The following SOX5 variants were observed in gnomAD, a reference collection of about 807,000 sequenced individuals.
The protein encoded by SOX5 is SRY-box transcription factor 5, also known as transcription factor SOX-5.
Under a neutral mutation model 92.0 loss-of-function variants are expected in SOX5, and 9 were observed. That is an observed-to-expected ratio of 0.10 (90% confidence interval 0.06 to 0.17). The LOEUF is 0.17. SOX5 is among the 10% of genes least tolerant of loss of function. SOX5 has a pLI of 1.00. For synonymous variants in SOX5, 344 were observed against 336.3 expected (o/e 1.02, Z -0.25); for missense variants, 642 against 944.5 (o/e 0.68, Z 4.20).
At chr12:24,248,023 T>C (rs10505938) in intron 3 of SOX5, among the ~76,000 whole-genome samples, 25,978 of 152,190 alleles carry the variant, frequency 0.17, 2,405 homozygotes, top group Middle Eastern at 0.2. Flanking sequence ...CTTCTTATAC[T>C]GTCTCAAAGT....
intron 4 of SOX5, among the ~76,000 whole-genome samples, chr12:24,203,565 A>C (rs1283075227): frequency 6.6e-6 from 1 of 152,222 alleles, no homozygotes; most frequent in Non-Finnish European, 1.5e-5. Flanking sequence ...TCTAAGATAA[A>C]AATCTAATAA....
chr12:24,101,297 G>A lies in SOX5; in HGVS notation c.-2+112046C>T, dbSNP rs12302052. On this transcript the variant is annotated intron_variant, in intron 4 of 4. Transcript: ENST00000446891. ...TTGAACATGGCAACACTATGATCAC[G>A]TCCAAGACATCTCCCTTGTTTTTCC... Among the ~76,000 whole-genome samples the A allele has an allele frequency of 5.3e-5, 8 of 152,088 alleles. 1 individual carries two copies. Among genetic ancestry groups the A allele is most frequent in the African/African-American group, 1.2e-4 (5 of 41,464 alleles).
chr12:23,643,677 G>C (rs1197967234), intron 7 of SOX5, among the ~76,000 whole-genome samples: 1 of 152,200 alleles, frequency 6.6e-6, no homozygotes, highest in Non-Finnish European at 1.5e-5. Flanking sequence ...CAGAAGCCAA[G>C]TAAAGAAAGA....
At chr12:23,851,684 A>T (rs80070966) in intron 2 of SOX5, among the ~76,000 whole-genome samples, 1 of 151,720 alleles carries the variant, frequency 6.6e-6, no homozygotes, top group African/African-American at 2.4e-5. Context: ...ATGAAAAATA[A>T]GAGAGGTACT....
At chr12:23,714,074 A>AAAAAAAAAAAC in intron 6 of SOX5, among the ~76,000 whole-genome samples, 1 of 151,002 alleles carries the variant, frequency 6.6e-6, no homozygotes, top group African/African-American at 2.4e-5. Context: ...CTAGGTGACA[A>AAAAAAAAAAAC]AGCAAGACTC....
At chr12:24,259,188 G>C (rs1288546259) in intron 3 of SOX5, among the ~76,000 whole-genome samples, 1 of 152,176 alleles carries the variant, frequency 6.6e-6, no homozygotes, top group Non-Finnish European at 1.5e-5. Context: ...GTGGAACAGT[G>C]TTGGGGAGCA....
chr12:24,270,197 A>G (rs1369847131), intron 3 of SOX5, among the ~76,000 whole-genome samples: 1 of 151,952 alleles, frequency 6.6e-6, no homozygotes, highest in Non-Finnish European at 1.5e-5. Context: ...AGTGGCTGAG[A>G]TTACAGGCAC....
At position 23,745,148 on chromosome 12, in the gene SOX5, T is replaced by C. The variant is rs1324362667; in HGVS notation, c.569-4109A>G. On this transcript the variant is annotated intron_variant, in intron 4 of 14. Transcript: ENST00000451604. Reference sequence around the variant, plus strand: ...GGGTTGGTGGGTAGGGGAAAGTGCGTAGTTCAACCCATAAGAATGCCTTTT... The same window carrying C: ...GGGTTGGTGGGTAGGGGAAAGTGCGCAGTTCAACCCATAAGAATGCCTTTT... Among the ~76,000 whole-genome samples, 9 of 152,260 alleles carry C rather than the reference T, an allele frequency of 5.9e-5. 1 individual carries two copies. The highest frequency in any genetic ancestry group is 1.0e-4 in the Non-Finnish European group (7 of 68,022).
chr12:24,322,461 G>A (rs572670), intron 2 of SOX5, among the ~76,000 whole-genome samples: 18,524 of 152,104 alleles, frequency 0.12, 1,476 homozygotes, highest in South Asian at 0.18. Flanking sequence ...AGAAGATGAC[G>A]GAAATAATGG....
intron 4 of SOX5, among the ~76,000 whole-genome samples, chr12:23,985,413 C>T (rs1949974957): frequency 6.6e-6 from 1 of 151,944 alleles, no homozygotes; most frequent in Non-Finnish European, 1.5e-5. Context: ...CCATGCCTGG[C>T]CTGTATTTTT....
chr12:24,241,428 A>G (rs1383144130), intron 3 of SOX5, among the ~76,000 whole-genome samples: 2 of 152,220 alleles, frequency 1.3e-5, no homozygotes, highest in Admixed American at 1.3e-4. Flanking sequence ...GAGACAATTT[A>G]AAACAGTCTT....
intron 4 of SOX5, among the ~76,000 whole-genome samples, chr12:24,131,663 G>T (rs1428911350): frequency 6.6e-6 from 1 of 152,130 alleles, no homozygotes; most frequent in Non-Finnish European, 1.5e-5. Flanking sequence ...ATATCAGGTG[G>T]ATGATTTTAG....
chr12:24,341,150 T>C (rs1162688234), intron 2 of SOX5, among the ~76,000 whole-genome samples: 2 of 152,210 alleles, frequency 1.3e-5, no homozygotes, highest in African/African-American at 4.8e-5. Context: ...TTCAGTTTGA[T>C]AAGGTAAGTG....
chr12:24,207,011 G>A (rs1030789001), intron 4 of SOX5, among the ~76,000 whole-genome samples: 1 of 152,178 alleles, frequency 6.6e-6, no homozygotes, highest in African/African-American at 2.4e-5. Context: ...AGGGAATAGG[G>A]CTCCCCTCTT....
At chr12:24,338,905 T>C (rs998403845) in intron 2 of SOX5, among the ~76,000 whole-genome samples, 4 of 152,294 alleles carry the variant, frequency 2.6e-5, no homozygotes, top group Admixed American at 2.0e-4. Flanking sequence ...TCTTTTTCTT[T>C]ATAAATTACC....
At chr12:23,843,561 T>TC (rs1268461378) in intron 3 of SOX5, among the ~76,000 whole-genome samples, 4 of 113,062 alleles carry the variant, frequency 3.5e-5, no homozygotes, top group Non-Finnish European at 7.6e-5. Context: ...CTCCTTTTTT[T>TC]TTTTTTTTTT....
chr12:23,562,319 C>G (rs1456009227), intron 11 of SOX5, among the ~76,000 whole-genome samples: 1 of 152,040 alleles, frequency 6.6e-6, no homozygotes, highest in Non-Finnish European at 1.5e-5. Flanking sequence ...ATTTCACCTT[C>G]CCTATGCAGA....
intron 5 of SOX5, among the ~76,000 whole-genome samples, chr12:23,738,052 C>T (rs1411418368): frequency 6.6e-6 from 1 of 152,158 alleles, no homozygotes. Flanking sequence ...GGATTTTTGT[C>T]TGTTTTATTT....
At chr12:24,320,348 AT>A (rs1188580565) in intron 2 of SOX5, among the ~76,000 whole-genome samples, 3 of 152,110 alleles carry the variant, frequency 2.0e-5, no homozygotes, top group South Asian at 2.1e-4. Context: ...TAGCTCCTCA[AT>A]ATTGAACTCT....
Sources: gnomAD v4.1 joint callset for allele counts (sites outside exome capture counted in the v4.1 genomes callset) on GRCh38, gnomAD v4.1.1 for gene constraint, MANE v1.5 for transcripts, NCBI Gene and HGNC (gene_info 2026-07-23, HGNC 2026-07-21) for gene names.